Variants in PATJ observed in about 807,000 individuals in gnomAD.
PATJ encodes inaD-like protein.
Under a neutral mutation model 224.9 loss-of-function variants are expected in PATJ, and 190 were observed. The ratio of observed to expected loss-of-function variants is 0.84; its 90% CI spans 0.75 to 0.95. PATJ has a LOEUF of 0.95. PATJ is among the 40% of genes least tolerant of loss of function. The probability of loss-of-function intolerance (pLI) is 0.00; values close to 1 mark genes in which losing one functional copy is unlikely to be tolerated. For synonymous variants in PATJ, 769 were observed against 820.3 expected (o/e 0.94, Z 1.07); for missense variants, 2,121 against 2,270.3 (o/e 0.93, Z 1.34).
intron 24 of PATJ, among the ~76,000 whole-genome samples, chr1:61,903,775 CT>C (rs11331898): frequency 0.79 from 103,337 of 131,440 alleles, 40,333 homozygotes; most frequent in East Asian, 0.96. Flanking sequence ...TGGTACTTTG[CT>C]TTTTTTTTTT....
At chr1:61,758,242 C>T (rs566723569) in intron 1 of PATJ, among the ~76,000 whole-genome samples, 2 of 152,320 alleles carry the variant, frequency 1.3e-5, no homozygotes, top group East Asian at 1.9e-4. Context: ...CAAAGAATTT[C>T]ACTTTCTTCT....
chr1:61,939,992 G>C (rs1351719200), intron 27 of PATJ, among the ~76,000 whole-genome samples: 1 of 151,820 alleles, frequency 6.6e-6, no homozygotes, highest in East Asian at 1.9e-4. Flanking sequence ...CTTATTCTTT[G>C]ACAGAATAAT....
intron 41 of PATJ, among the ~76,000 whole-genome samples, chr1:62,138,582 C>T (rs1667183832): frequency 6.6e-6 from 1 of 152,152 alleles, no homozygotes; most frequent in South Asian, 2.1e-4. Flanking sequence ...GCTGGGATTA[C>T]AGGTGTGAGC....
chr1:62,031,589 G>A (rs1471967140), intron 29 of PATJ, among the ~76,000 whole-genome samples: 2 of 152,054 alleles, frequency 1.3e-5, no homozygotes, highest in East Asian at 1.9e-4. Flanking sequence ...AAATTTAATC[G>A]CCTGGACTCA....
rs1483624646 is a variant in PATJ, at chr1:62,012,374, C to G, written c.3868-5482C>G. ...GTTGTTCTGAGATCTAAATGAGATA[C>G]TGTGCATAATGAGTTTAGCACGGTG... is the stretch of plus-strand genomic sequence containing the variant. On this transcript the variant is annotated intron_variant, in intron 28 of 43. Coordinates refer to ENST00000642238, the MANE Select transcript of PATJ (RefSeq NM_001350145.3). 2.0e-5 allele frequency among the ~76,000 whole-genome samples: 3 copies of G among 152,312 alleles called. No homozygotes were observed. The East Asian group carries it at 5.8e-4, about 29-fold the overall frequency.
At chr1:62,036,078 G>A (rs1252706117) in intron 29 of PATJ, among the ~76,000 whole-genome samples, 1 of 152,068 alleles carries the variant, frequency 6.6e-6, no homozygotes, top group African/African-American at 2.4e-5. Context: ...AGAGATGGGG[G>A]CTGGGACCTC....
intron 17 of PATJ, among the ~76,000 whole-genome samples, chr1:61,854,755 A>G (rs1663381744): frequency 6.6e-6 from 1 of 152,260 alleles, no homozygotes; most frequent in South Asian, 2.1e-4. Context: ...CAAGCCCAAC[A>G]TATAGTAAGT....
chr1:61,868,682 G>A (rs1208526539), intron 20 of PATJ, among the ~76,000 whole-genome samples: 9 of 152,178 alleles, frequency 5.9e-5, no homozygotes, highest in Non-Finnish European at 1.2e-4. Flanking sequence ...CCAGCTACTC[G>A]GGAGGCTGAG....
Position 61,827,467 on chromosome 1 carries a change from T to G in PATJ, c.1864T>G (p.Ser622Ala). 1.2e-6 allele frequency: 2 copies of G among 1,614,090 alleles called. No homozygotes were observed. The highest frequency in any genetic ancestry group is 1.7e-6 in the Non-Finnish European group (2 of 1,179,992). ...TGGAAAATCTCGCCGAGAAGCAGTC[T>G]CCTTTCTTAAAGAAGTGCCACCCCC... Reference protein sequence around the residue: ...LYGKSRREAVSFLKEVPPPFT... With the variant: ...LYGKSRREAVAFLKEVPPPFT... Residue 622 changes from serine (S) to alanine (A), a missense_variant, in exon 16 of 44, where the codon TCC becomes GCC. Coordinates refer to ENST00000642238, the MANE Select transcript of PATJ (RefSeq NM_001350145.3).
intron 34 of PATJ, among the ~76,000 whole-genome samples, chr1:62,113,833 A>G (rs1311054685): frequency 6.6e-6 from 1 of 152,180 alleles, no homozygotes; most frequent in African/African-American, 2.4e-5. Flanking sequence ...TTGCATTATC[A>G]TGTATCCACC....
In PATJ at chr1:61,939,373, C is replaced by CACAT. The variant is rs1553212368; in HGVS notation, c.3670+11545_3670+11546insCATA. ...CAGAAGAAAGACACACACACACACA[C>CACAT]ATATATATACAGTCAGAGGACAATA... is the stretch of plus-strand genomic sequence containing the variant. On this transcript the variant is annotated intron_variant, in intron 27 of 43. Transcript: ENST00000642238. Among the ~76,000 whole-genome samples the CACAT allele has an allele frequency of 3.8e-4, 57 of 150,018 alleles. 1 individual carries two copies. The highest frequency in any genetic ancestry group is 1.5e-3 in the South Asian group (7 of 4,724).
chr1:61,999,707 C>T (rs1323324898), intron 28 of PATJ, among the ~76,000 whole-genome samples: 3 of 151,948 alleles, frequency 2.0e-5, no homozygotes, highest in African/African-American at 7.2e-5. Context: ...ATAAGAGAGA[C>T]CGTTCCACTC....
chr1:61,987,358 A>G (rs923754417), intron 27 of PATJ, among the ~76,000 whole-genome samples: 2 of 152,010 alleles, frequency 1.3e-5, no homozygotes, highest in Admixed American at 1.3e-4. Flanking sequence ...TCTTATATCT[A>G]CTATTTTGAG....
In PATJ at chr1:61,875,370, T is replaced by G; in HGVS notation, c.2959+4T>G. 6.3e-7 allele frequency: 1 copy of G among 1,596,120 alleles called. No individual in the cohort carries two copies. The highest frequency in any genetic ancestry group is 1.4e-5 in the African/African-American group (1 of 73,976). The stretch of plus-strand genomic sequence containing the variant: ...GCAAAAACTAGTCTGGATTTAGGTT[T>G]GTGACTTTTGTTTCTCATAAACACA... On this transcript the variant is annotated splice_donor_region_variant and intron_variant, in intron 21 of 43. Transcript: ENST00000642238.
At position 61,861,557 on chromosome 1, in the gene PATJ, A is replaced by T; in HGVS notation, c.2329A>T (p.Asn777Tyr). Residue 777 changes from asparagine to tyrosine, a missense_variant, in exon 19 of 44, where the codon AAT becomes TAT. Transcript: ENST00000642238. ...AAGTGGTTTATATTTTCAGGAAGAT[A>T]ATGAAGAAGAAAGTTGTTATATTTT... ...LGICKPLVED[N>Y]EEESCYILHS... 7.5e-7 allele frequency: 1 copy of T among 1,325,064 alleles called. No homozygotes were observed. Among genetic ancestry groups the T allele is most frequent in the Middle Eastern group, 1.8e-4 (1 of 5,464 alleles). 82.1% of individuals were successfully genotyped at this position (1,325,064 alleles called of 1,614,324 possible). A position where few individuals can be genotyped will look rare whatever the true frequency, so the allele number is the denominator to read the frequency against.
chr1:61,874,492 C>T (rs1399115292), intron 20 of PATJ, among the ~76,000 whole-genome samples: 1 of 151,922 alleles, frequency 6.6e-6, no homozygotes, highest in East Asian at 1.9e-4. Context: ...CCACCACACC[C>T]AGCCCCTTGG....
At chr1:61,852,492 A>G (rs1662986986) in intron 17 of PATJ, 1 of 152,220 alleles carries the variant, frequency 6.6e-6, no homozygotes. Flanking sequence ...GCAAGGTGCC[A>G]TCAGGGGTGT....
intron 29 of PATJ, among the ~76,000 whole-genome samples, chr1:62,036,341 G>C (rs1039825372): frequency 6.6e-6 from 1 of 152,146 alleles, no homozygotes; most frequent in East Asian, 1.9e-4. Context: ...GAGACTTAGT[G>C]GTTGGAAGTA....
At chr1:62,154,649 CAA>C (rs61670416) in intron 43 of PATJ, among the ~76,000 whole-genome samples, 1 of 131,620 alleles carries the variant, frequency 7.6e-6, no homozygotes, top group Non-Finnish European at 1.6e-5. Context: ...CAATCCATCT[CAA>C]AAAAAAAAAA....
Sources: gnomAD v4.1 joint callset for allele counts (sites outside exome capture counted in the v4.1 genomes callset) on GRCh38, gnomAD v4.1.1 for gene constraint, MANE v1.5 for transcripts, NCBI Gene and HGNC (gene_info 2026-07-23, HGNC 2026-07-21) for gene names.